The following PDZD2 variants were observed in gnomAD, a reference collection of about 807,000 sequenced individuals.
The protein encoded by PDZD2 is PDZ domain containing 2.
In PDZD2, 90 loss-of-function variants were observed where a neutral mutation model predicts 220.7. The observed-to-expected ratio is 0.41, with a 90% CI of 0.34 to 0.49. The LOEUF is 0.49. PDZD2 is among the 20% of genes least tolerant of loss of function. The pLI is 0.28. For synonymous variants in PDZD2, 1,375 were observed against 1,450.5 expected (o/e 0.95, Z 1.18); for missense variants, 3,174 against 3,608.5 (o/e 0.88, Z 3.08).
intron 2 of PDZD2, among the ~76,000 whole-genome samples, chr5:31,905,883 G>A (rs988057765): frequency 3.5e-4 from 53 of 152,002 alleles, no homozygotes; most frequent in African/African-American, 1.2e-3. Context: ...CCTTGGTAGA[G>A]TGCACTTACA....
intron 5 of PDZD2, among the ~76,000 whole-genome samples, chr5:32,002,757 C>CCAACACA (rs1752290409): frequency 3.8e-5 from 1 of 26,134 alleles, no homozygotes; most frequent in Non-Finnish European, 1.0e-4. Context: ...ACACACACAC[C>CCAACACA]CCACACACCA....
intron 2 of PDZD2, chr5:31,844,006 T>C (rs1757463041): frequency 2.6e-5 from 4 of 152,120 alleles, no homozygotes. Flanking sequence ...TAAAGTTGCT[T>C]TTCTGGAGGA....
At chr5:31,879,495 CTG>C (rs772142893) in intron 2 of PDZD2, among the ~76,000 whole-genome samples, 147 of 151,694 alleles carry the variant, frequency 9.7e-4, no homozygotes, top group Non-Finnish European at 1.8e-3. Flanking sequence ...TTGAGAGTAA[CTG>C]TAAGTTATTC....
intron 2 of PDZD2, among the ~76,000 whole-genome samples, chr5:31,913,797 G>A (rs960748671): frequency 6.6e-6 from 1 of 152,198 alleles, no homozygotes; most frequent in South Asian, 2.1e-4. Flanking sequence ...GAGTCGTGAA[G>A]GATTTTAGTT....
At chr5:31,650,334 G>A (rs1250439020) in intron 1 of PDZD2, among the ~76,000 whole-genome samples, 1 of 152,206 alleles carries the variant, frequency 6.6e-6, no homozygotes, top group Non-Finnish European at 1.5e-5. Context: ...TCTATTAAGA[G>A]TTGGAGCAAG....
chr5:31,778,734 A>G (rs1752872135), intron 1 of PDZD2, among the ~76,000 whole-genome samples: 1 of 152,182 alleles, frequency 6.6e-6, no homozygotes. Context: ...CCAAGAACCC[A>G]CCAATTCCGG....
At chr5:31,642,080 C>T (rs987214907) in intron 1 of PDZD2, among the ~76,000 whole-genome samples, 5 of 152,060 alleles carry the variant, frequency 3.3e-5, no homozygotes, top group African/African-American at 9.7e-5. Flanking sequence ...ATCATGTGGG[C>T]CTAAGTGACT....
At chr5:31,911,497 G>A (rs954808044) in intron 2 of PDZD2, among the ~76,000 whole-genome samples, 13 of 152,236 alleles carry the variant, frequency 8.5e-5, no homozygotes, top group Non-Finnish European at 1.2e-4. Flanking sequence ...CGTGGCCACT[G>A]CATCGCCCCT....
intron 2 of PDZD2, among the ~76,000 whole-genome samples, chr5:31,859,039 A>G (rs1215760423): frequency 6.6e-6 from 1 of 152,110 alleles, no homozygotes; most frequent in Non-Finnish European, 1.5e-5. Context: ...TCTGACAACT[A>G]GTGGCTTCAC....
At chr5:32,014,653 T>G (rs56164157) in intron 6 of PDZD2, among the ~76,000 whole-genome samples, 32,598 of 150,820 alleles carry the variant, frequency 0.22, 4,147 homozygotes, top group Admixed American at 0.29. Flanking sequence ...TTCTACCTGA[T>G]TGGCAGTTCT....
At chr5:31,941,754 T>TAA (rs1461933284) in intron 2 of PDZD2, among the ~76,000 whole-genome samples, 1 of 152,228 alleles carries the variant, frequency 6.6e-6, no homozygotes, top group Non-Finnish European at 1.5e-5. Context: ...TGTGTCTAAT[T>TAA]AGACATTTGT....
intron 6 of PDZD2, among the ~76,000 whole-genome samples, chr5:32,032,394 A>G (rs915505061): frequency 1.3e-5 from 2 of 152,112 alleles, no homozygotes; most frequent in African/African-American, 4.8e-5. Context: ...ATCAGTGGCC[A>G]CGTCGGTCAC....
At chr5:32,033,480 C>G (rs763813555) in intron 6 of PDZD2, among the ~76,000 whole-genome samples, 2 of 152,166 alleles carry the variant, frequency 1.3e-5, no homozygotes, top group African/African-American at 4.8e-5. Context: ...CACTGCTAAC[C>G]CTTTCAGTGG....
chr5:31,969,992 G>A lies in PDZD2; in HGVS notation c.477-13163G>A, dbSNP rs566495031. Among the ~76,000 whole-genome samples the A allele has an allele frequency of 1.2e-4, 18 of 151,690 alleles. No homozygotes were observed. In the South Asian group the frequency reaches 2.5e-3, roughly 21 times the overall value. On this transcript the variant is annotated intron_variant, in intron 2 of 24. Coordinates refer to ENST00000438447, the MANE Select transcript of PDZD2 (RefSeq NM_178140.4). ...CGGCTCACCGCAACTTCCGCCTCCC[G>A]GGTTCAAGCAGTTCTCCTGCCTCAG...
At chr5:32,054,175 T>A (rs1469285173) in intron 10 of PDZD2, among the ~76,000 whole-genome samples, 1 of 152,086 alleles carries the variant, frequency 6.6e-6, no homozygotes, top group East Asian at 1.9e-4. Context: ...CATGTTCCTT[T>A]CCCTGAAAAT....
intron 2 of PDZD2, among the ~76,000 whole-genome samples, chr5:31,829,070 A>T (rs1357219954): frequency 1.3e-5 from 2 of 152,194 alleles, no homozygotes; most frequent in African/African-American, 2.4e-5. Context: ...AGTAATAACA[A>T]TTCTGTGAAG....
At chr5:31,886,750 T>G (rs1039547672) in intron 2 of PDZD2, among the ~76,000 whole-genome samples, 3 of 150,946 alleles carry the variant, frequency 2.0e-5, no homozygotes, top group Non-Finnish European at 4.4e-5. Flanking sequence ...CAGGCTGGAG[T>G]GCAGTGGTGC....
intron 1 of PDZD2, among the ~76,000 whole-genome samples, chr5:31,779,344 G>T (rs1752919969): frequency 6.8e-6 from 1 of 147,162 alleles, no homozygotes; most frequent in African/African-American, 2.5e-5. Context: ...CGTTATTTAT[G>T]TAGCTGTCCC....
chr5:31,791,419 C>T (rs778173929), intron 1 of PDZD2, among the ~76,000 whole-genome samples: 2 of 151,670 alleles, frequency 1.3e-5, no homozygotes, highest in African/African-American at 4.8e-5. Flanking sequence ...GGAGAAACCC[C>T]GCCTCTACTA....
Sources: gnomAD v4.1 joint callset for allele counts (sites outside exome capture counted in the v4.1 genomes callset) on GRCh38, gnomAD v4.1.1 for gene constraint, MANE v1.5 for transcripts, NCBI Gene and HGNC (gene_info 2026-07-23, HGNC 2026-07-21) for gene names.